The following C6orf163 variants were observed in gnomAD, a reference collection of about 807,000 sequenced individuals.
C6orf163 encodes the protein chromosome 6 open reading frame 163.
A neutral mutation model predicts 28.4 loss-of-function variants in C6orf163; 22 were observed. The ratio of observed to expected loss-of-function variants is 0.78; its 90% CI spans 0.55 to 1.11. C6orf163 has a LOEUF of 1.11. C6orf163 is among the 50% of genes least tolerant of loss of function. The pLI is 0.00. For missense variants in C6orf163, 342 were observed against 389.1 expected (o/e 0.88, Z 1.02); for synonymous variants, 110 against 123.6 (o/e 0.89, Z 0.73).
rs1472085203 is a variant in C6orf163 at position 87,351,359 on chromosome 6, A to G, written c.351+858A>G. Among the ~76,000 whole-genome samples the G allele has an allele frequency of 1.1e-4, 16 of 152,350 alleles. No homozygotes were observed. In the East Asian group the frequency reaches 3.1e-3, roughly 29 times the overall value. On this transcript the variant is annotated intron_variant, in intron 3 of 4. Coordinates refer to ENST00000388923, the MANE Select transcript of C6orf163 (RefSeq NM_001010868.3). ...CAGTAATGAGCAGTTCAGGGACTGC[A>G]GGCCAATTTATTCGTTGTTGCAACA... is the stretch of plus-strand genomic sequence containing the variant.
At chr6:87,354,248 A>T (rs1777463945) in intron 3 of C6orf163, among the ~76,000 whole-genome samples, 1 of 152,256 alleles carries the variant, frequency 6.6e-6, no homozygotes, top group Admixed American at 6.5e-5. Flanking sequence ...CTACAGCAGC[A>T]TCCTCAGCCT....
Position 87,348,792 on chromosome 6 carries a change from A to G in C6orf163, c.149-20A>G. 1.3e-6 allele frequency: 2 copies of G among 1,536,614 alleles called. No individual in the cohort carries two copies. The highest frequency in any genetic ancestry group is 2.0e-5 in the Admixed American group (1 of 50,894). On this transcript the variant is annotated intron_variant, in intron 1 of 4. Transcript: ENST00000388923. Reference sequence around the variant, plus strand: ...AAGCAGTCGGTGGAGGTTTGTGACCATTGCTCTTCAAATACACAGATATTG... The same window carrying G: ...AAGCAGTCGGTGGAGGTTTGTGACCGTTGCTCTTCAAATACACAGATATTG...
intron 3 of C6orf163, among the ~76,000 whole-genome samples, chr6:87,351,590 C>G (rs1160583969): frequency 6.6e-6 from 1 of 152,220 alleles, no homozygotes; most frequent in Non-Finnish European, 1.5e-5. Context: ...ATTGCCCATT[C>G]CCCATTTCAG....
In C6orf163 at chr6:87,356,167, C is replaced by G. The variant is rs894262072; in HGVS notation, c.352-134C>G. The G allele has an allele frequency of 4.0e-6, 3 of 748,662 alleles. No homozygotes were observed. In the African/African-American group the frequency reaches 5.3e-5, roughly 13 times the overall value. 46.4% of individuals were successfully genotyped at this position (748,662 alleles called of 1,614,324 possible). On this transcript the variant is annotated intron_variant, in intron 3 of 4. Coordinates refer to ENST00000388923, the MANE Select transcript of C6orf163 (RefSeq NM_001010868.3). Reference sequence around the variant, plus strand: ...AAAAGTTTTCCATATCATACACACTCTTCTTTTAAATCATCAGTGTTAACA... The same window carrying G: ...AAAAGTTTTCCATATCATACACACTGTTCTTTTAAATCATCAGTGTTAACA...
Position 87,347,674 on chromosome 6 carries a change from A to G in C6orf163, c.149-1138A>G, listed in dbSNP as rs1009761380. ...ACTCAGAATAGACTGCATGAAATGG[A>G]ATTTCTTGACTCTTTTAACAGAGAA... is the stretch of plus-strand genomic sequence containing the variant. On this transcript the variant is annotated intron_variant, in intron 1 of 4. Transcript: ENST00000388923. The G allele has an allele frequency of 1.7e-5, 17 of 984,842 alleles. No individual in the cohort carries two copies. In the African/African-American group the frequency reaches 3.0e-4, roughly 17 times the overall value. The allele number at this position is 984,842 out of a possible 1,614,324, so 61.0% of individuals were successfully genotyped here. A position where few individuals can be genotyped will look rare whatever the true frequency, so the allele number is the denominator to read the frequency against.
At chr6:87,348,582 G>C in intron 1 of C6orf163, 2 of 1,297,660 alleles carry the variant, frequency 1.5e-6, no homozygotes, top group Middle Eastern at 2.9e-4. Context: ...GTGTGGACTG[G>C]GTGTGATGAG....
chr6:87,354,440 T>C (rs1055707960), intron 3 of C6orf163, among the ~76,000 whole-genome samples: 1 of 152,242 alleles, frequency 6.6e-6, no homozygotes, highest in Non-Finnish European at 1.5e-5. Context: ...AGTACAATCA[T>C]TCATCTTTGT....
chr6:87,351,777 T>A (rs1343248244), intron 3 of C6orf163, among the ~76,000 whole-genome samples: 2 of 152,178 alleles, frequency 1.3e-5, no homozygotes, highest in Admixed American at 6.5e-5. Flanking sequence ...CCCAGCAGAC[T>A]CCTGGACCTC....
At chr6:87,362,434 G>A (rs1231630259) in intron 4 of C6orf163, among the ~76,000 whole-genome samples, 1 of 152,166 alleles carries the variant, frequency 6.6e-6, no homozygotes, top group African/African-American at 2.4e-5. Flanking sequence ...CCAAGATGGT[G>A]CCACTGCACT....
chr6:87,353,288 A>G (rs926247578), intron 3 of C6orf163, among the ~76,000 whole-genome samples: 3 of 152,176 alleles, frequency 2.0e-5, no homozygotes, highest in African/African-American at 7.2e-5. Flanking sequence ...AATTTATTGT[A>G]CATTTAAAAA....
At chr6:87,354,009 A>T (rs573785433) in intron 3 of C6orf163, among the ~76,000 whole-genome samples, 5 of 152,132 alleles carry the variant, frequency 3.3e-5, no homozygotes, top group African/African-American at 1.2e-4. Flanking sequence ...GCACCACCAC[A>T]CCCAGTTAAT....
At chr6:87,362,115 T>C (rs183821894) in intron 4 of C6orf163, among the ~76,000 whole-genome samples, 1 of 152,290 alleles carries the variant, frequency 6.6e-6, no homozygotes, top group Admixed American at 6.5e-5. Context: ...TTGTGTGACA[T>C]TGAACAACAA....
At chr6:87,345,673 G>C (rs1320248871) in intron 1 of C6orf163, among the ~76,000 whole-genome samples, 1 of 152,030 alleles carries the variant, frequency 6.6e-6, no homozygotes, top group African/African-American at 2.4e-5. Context: ...TGTAATCCCA[G>C]CACTTTGGGT....
intron 4 of C6orf163, among the ~76,000 whole-genome samples, chr6:87,359,372 C>T (rs760507908): frequency 3.9e-5 from 6 of 152,110 alleles, no homozygotes; most frequent in South Asian, 4.1e-4. Context: ...GTTAACAACC[C>T]GGGGATAGAA....
In C6orf163 at chr6:87,348,880, A is replaced by G. The variant is rs1317050032; in HGVS notation, c.217A>G (p.Lys73Glu). Residue 73 changes from lysine to glutamate, a missense_variant, in exon 2 of 5, where the codon AAA becomes GAA. Lys to Glu is a moderately conservative substitution (Grantham distance 56). Transcript: ENST00000388923. ...AGATATACTCAGAGAACACATTGCGAAAGCAGAAGCTGAAGTATGGGCTCA... is the reference window on the plus strand; with the variant it reads ...AGATATACTCAGAGAACACATTGCGGAAGCAGAAGCTGAAGTATGGGCTCA... ...QEDILREHIA[K>E]AEAEVWAQAN... 5.2e-6 allele frequency: 8 copies of G among 1,537,512 alleles called. No individual in the cohort carries two copies. The highest frequency in any genetic ancestry group is 6.1e-6 in the Non-Finnish European group (7 of 1,146,976).
chr6:87,363,071 G>A (rs1777602166), intron 4 of C6orf163, among the ~76,000 whole-genome samples: 1 of 152,154 alleles, frequency 6.6e-6, no homozygotes, highest in Admixed American at 6.5e-5. Context: ...CATAAAAAGA[G>A]CACAGTAATG....
At chr6:87,354,084 C>T (rs1777460748) in intron 3 of C6orf163, among the ~76,000 whole-genome samples, 1 of 152,162 alleles carries the variant, frequency 6.6e-6, no homozygotes, top group South Asian at 2.1e-4. Flanking sequence ...GTCTCGAACT[C>T]CTGGCCTCCA....
At position 87,365,233 on chromosome 6, in the gene C6orf163, A is replaced by G; in HGVS notation, c.827A>G (p.Asp276Gly). The G allele has an allele frequency of 6.4e-7, 1 of 1,551,712 alleles. No homozygotes were observed. ...CTGGGAATCATGACAAATTGGAAAG[A>G]TTTCCTAGAGGAGGAATTACAGGAA... ...KQLGIMTNWKDFLEEELQETR... is the reference protein window; with the variant it reads ...KQLGIMTNWKGFLEEELQETR... The change falls in exon 5 of 5, where the codon GAT becomes GGT. Residue 276 changes from aspartate (D) to glycine (G), a missense_variant. By Grantham distance (94) the Asp-to-Gly change is moderately conservative (BLOSUM62 -1). Transcript: ENST00000388923.
At chr6:87,348,018 TG>T in intron 1 of C6orf163, 1 of 471,064 alleles carries the variant, frequency 2.1e-6, no homozygotes, top group Non-Finnish European at 2.8e-6. Context: ...TAGTCAGGCA[TG>T]GTGGTGGGCG....
Sources: allele counts gnomAD v4.1 joint callset (sites outside exome capture counted in the v4.1 genomes callset), GRCh38; gene constraint gnomAD v4.1.1; transcripts MANE v1.5; gene names NCBI Gene and HGNC (gene_info 2026-07-23, HGNC 2026-07-21).